PPARG: variants seen among roughly 807,000 people sequenced by gnomAD.
The protein encoded by PPARG is peroxisome proliferator-activated receptor gamma.
PPARG carries 17 observed loss-of-function variants against 39.2 expected under a neutral mutation model. The ratio of observed to expected loss-of-function variants is 0.43; its 90% CI spans 0.30 to 0.65. PPARG has a LOEUF of 0.65. PPARG is among the 30% of genes least tolerant of loss of function. The pLI, the probability that PPARG is intolerant of heterozygous loss-of-function variation, is 0.13. For synonymous variants in PPARG, 223 were observed against 215.7 expected, an observed-to-expected ratio of 1.03 and a Z score of -0.30; for missense variants, 406 against 585.9, an observed-to-expected ratio of 0.69 and a Z score of 3.17.
intron 2 of PPARG, among the ~76,000 whole-genome samples, chr3:12,316,729 T>A (rs1421776848): frequency 5.3e-5 from 8 of 152,064 alleles, no homozygotes; most frequent in African/African-American, 1.9e-4. Context: ...CCTTTTTTTT[T>A]TTAAAAAATC....
chr3:12,313,667 G>A (rs2047311931), intron 2 of PPARG, among the ~76,000 whole-genome samples: 1 of 152,154 alleles, frequency 6.6e-6, no homozygotes, highest in Admixed American at 6.5e-5. Context: ...TTCTAAGGCT[G>A]GGGCAGGGAA....
chr3:12,349,943 G>A (rs2048433255), intron 2 of PPARG, among the ~76,000 whole-genome samples: 1 of 152,214 alleles, frequency 6.6e-6, no homozygotes, highest in Non-Finnish European at 1.5e-5. Flanking sequence ...AGAAGTAACA[G>A]TAGATGAAGA....
At chr3:12,321,605 A>G (rs992532489) in intron 2 of PPARG, among the ~76,000 whole-genome samples, 1 of 152,062 alleles carries the variant, frequency 6.6e-6, no homozygotes, top group Admixed American at 6.5e-5. Flanking sequence ...TGACCAAGCA[A>G]TCCATCGTTT....
chr3:12,394,751 T>C (rs1323092678), intron 5 of PPARG, among the ~76,000 whole-genome samples: 2 of 152,266 alleles, frequency 1.3e-5, no homozygotes, highest in African/African-American at 2.4e-5. Flanking sequence ...TAGTTTTGCC[T>C]GTTAGCTGTA....
At chr3:12,296,902 C>G (rs1440479637) in intron 1 of PPARG, among the ~76,000 whole-genome samples, 1 of 152,122 alleles carries the variant, frequency 6.6e-6, no homozygotes, top group Non-Finnish European at 1.5e-5. Context: ...ATATTCCCTT[C>G]CTAGTGATTG....
intron 2 of PPARG, among the ~76,000 whole-genome samples, chr3:12,314,659 G>A (rs12496505): frequency 0.25 from 38,392 of 151,998 alleles, 4,964 homozygotes; most frequent in East Asian, 0.33. Flanking sequence ...CTTTGCTAAG[G>A]AATCACTACA....
chr3:12,389,739 CA>C (rs953045402), intron 4 of PPARG, among the ~76,000 whole-genome samples: 1 of 150,116 alleles, frequency 6.7e-6, no homozygotes, highest in South Asian at 2.1e-4. Context: ...AAAAATACAA[CA>C]AAAAAAAAGA....
chr3:12,405,660 A>G (rs1324988933), intron 5 of PPARG, among the ~76,000 whole-genome samples: 1 of 152,218 alleles, frequency 6.6e-6, no homozygotes, highest in Non-Finnish European at 1.5e-5. Context: ...AGGAGTATGC[A>G]TTAACTTTTA....
intron 4 of PPARG, among the ~76,000 whole-genome samples, chr3:12,384,067 G>C (rs1322206630): frequency 1.3e-5 from 2 of 152,092 alleles, no homozygotes; most frequent in East Asian, 3.9e-4. Flanking sequence ...AGAATTCCTA[G>C]ACTAAAATGT....
chr3:12,390,637 C>CTTTT (rs35190152), intron 4 of PPARG, among the ~76,000 whole-genome samples: 14,332 of 92,064 alleles, frequency 0.16, 1,909 homozygotes, highest in Admixed American at 0.19. Context: ...TATTTTCTTC[C>CTTTT]TTTTTTTTTT....
At chr3:12,362,237 C>T (rs1358658902) in intron 2 of PPARG, among the ~76,000 whole-genome samples, 1 of 152,056 alleles carries the variant, frequency 6.6e-6, no homozygotes, top group African/African-American at 2.4e-5. Flanking sequence ...ACACAGTCTG[C>T]CTAACATGGT....
At chr3:12,395,469 T>C (rs777035121) in intron 5 of PPARG, among the ~76,000 whole-genome samples, 2 of 152,216 alleles carry the variant, frequency 1.3e-5, no homozygotes, top group African/African-American at 2.4e-5. Flanking sequence ...CTAGAGAAAG[T>C]ATAAATGGCA....
chr3:12,294,808 G>A (rs1055639452), intron 1 of PPARG, among the ~76,000 whole-genome samples: 10 of 152,108 alleles, frequency 6.6e-5, no homozygotes, highest in Non-Finnish European at 1.5e-4. Context: ...CAGGAGAATC[G>A]GTTGAACCCG....
chr3:12,401,596 C>T (rs569021579), intron 5 of PPARG, among the ~76,000 whole-genome samples: 48 of 145,180 alleles, frequency 3.3e-4, no homozygotes, highest in African/African-American at 1.1e-3. Context: ...AAAAGGTATG[C>T]GTGCCTCAGC....
chr3:12,295,966 A>G (rs547510243), intron 1 of PPARG, among the ~76,000 whole-genome samples: 4 of 152,206 alleles, frequency 2.6e-5, no homozygotes, highest in Admixed American at 6.5e-5. Flanking sequence ...TAGAAAGAAG[A>G]AAGAGCTGGT....
intron 2 of PPARG, among the ~76,000 whole-genome samples, chr3:12,334,162 A>T (rs1326463477): frequency 6.6e-6 from 1 of 151,912 alleles, no homozygotes; most frequent in African/African-American, 2.4e-5. Flanking sequence ...TAAATAGCAA[A>T]GTTTTTTGAC....
rs918826838 is a variant in PPARG at position 12,339,513 on chromosome 3, A to G, written c.-9+27060A>G. On this transcript the variant is annotated intron_variant, in intron 2 of 7. Coordinates refer to ENST00000651735, the MANE Select transcript of PPARG (RefSeq NM_138711.6). ...TTAAAAGCTTTTTATGAAGACTTCTAGATCTCCTAAGAATATTTAGGTATC... is the reference window on the plus strand; with the variant it reads ...TTAAAAGCTTTTTATGAAGACTTCTGGATCTCCTAAGAATATTTAGGTATC... Among the ~76,000 whole-genome samples the G allele has an allele frequency of 3.9e-5, 6 of 152,356 alleles. No homozygotes were observed. The South Asian group carries it at 8.3e-4, about 21-fold the overall frequency.
intron 7 of PPARG, among the ~76,000 whole-genome samples, chr3:12,418,862 C>T (rs2051166033): frequency 1.3e-5 from 2 of 152,172 alleles, no homozygotes; most frequent in Non-Finnish European, 2.9e-5. Context: ...ACCTTTGGAG[C>T]TGTGAAGTCC....
intron 2 of PPARG, chr3:12,328,259 G>T: frequency 6.6e-7 from 1 of 1,511,766 alleles, no homozygotes; most frequent in Non-Finnish European, 9.0e-7. Flanking sequence ...AGATGCTGAT[G>T]GCACGAAGGG....
Sources: gnomAD v4.1 joint callset for allele counts (sites outside exome capture counted in the v4.1 genomes callset) on GRCh38, gnomAD v4.1.1 for gene constraint, MANE v1.5 for transcripts, NCBI Gene and HGNC (gene_info 2026-07-23, HGNC 2026-07-21) for gene names.